Variants in PARP11 observed in about 807,000 individuals in gnomAD.
The protein encoded by PARP11 is protein mono-ADP-ribosyltransferase PARP11.
A neutral mutation model predicts 42.9 loss-of-function variants in PARP11; 31 were observed. The observed-to-expected ratio is 0.72, with a 90% CI of 0.54 to 0.98. The LOEUF (loss-of-function observed/expected upper bound fraction) is 0.98, where lower values mean the gene tolerates loss of function less well. PARP11 is among the 50% of genes least tolerant of loss of function. PARP11 has a pLI of 0.00. For missense variants in PARP11, 365 were observed against 413.1 expected (o/e 0.88, Z 1.01); for synonymous variants, 137 against 127.3 (o/e 1.08, Z -0.51).
chr12:3,862,843 C>G (rs1285856875), intron 1 of PARP11, among the ~76,000 whole-genome samples: 2 of 152,058 alleles, frequency 1.3e-5, no homozygotes, highest in African/African-American at 4.8e-5. Context: ...CACATTGAAT[C>G]ATTAAATCAG....
At chr12:3,837,468 A>C (rs727705) in intron 1 of PARP11, among the ~76,000 whole-genome samples, 21,329 of 152,264 alleles carry the variant, frequency 0.14, 1,811 homozygotes, top group Middle Eastern at 0.21. Context: ...TAAAAATAAA[A>C]ACTAATGAGT....
intron 1 of PARP11, among the ~76,000 whole-genome samples, chr12:3,853,946 C>T (rs1948145692): frequency 6.6e-6 from 1 of 152,198 alleles, no homozygotes; most frequent in South Asian, 2.1e-4. Context: ...TCTCAGACCA[C>T]AGTGTAATCA....
chr12:3,830,294 A>G (rs1947609923), intron 1 of PARP11, among the ~76,000 whole-genome samples: 1 of 152,180 alleles, frequency 6.6e-6, no homozygotes, highest in African/African-American at 2.4e-5. Flanking sequence ...AACATCAATA[A>G]GCACTTCAGG....
chr12:3,846,930 T>A (rs1024357973), intron 1 of PARP11, among the ~76,000 whole-genome samples: 1 of 151,446 alleles, frequency 6.6e-6, no homozygotes, highest in Non-Finnish European at 1.5e-5. Flanking sequence ...GCACAAAATT[T>A]AAAAATTAGC....
At chr12:3,817,713 A>G (rs1947320131) in intron 6 of PARP11, among the ~76,000 whole-genome samples, 1 of 152,228 alleles carries the variant, frequency 6.6e-6, no homozygotes, top group Admixed American at 6.5e-5. Context: ...TAGAGTGCCA[A>G]ACTGGCTAAA....
chr12:3,818,787 C>T (rs532022757), intron 6 of PARP11, among the ~76,000 whole-genome samples: 4 of 152,184 alleles, frequency 2.6e-5, no homozygotes, highest in Non-Finnish European at 5.9e-5. Flanking sequence ...ACAGATGGCA[C>T]CTACTTGTGT....
intron 1 of PARP11, among the ~76,000 whole-genome samples, chr12:3,837,866 T>C (rs775803427): frequency 9.2e-5 from 14 of 151,688 alleles, no homozygotes; most frequent in Non-Finnish European, 1.9e-4. Context: ...AGAAGGTCAA[T>C]AAATAATGAT....
chr12:3,869,469 T>C (rs1269526954), intron 1 of PARP11, among the ~76,000 whole-genome samples: 1 of 152,212 alleles, frequency 6.6e-6, no homozygotes, highest in Admixed American at 6.5e-5. Context: ...TCCTACCTCC[T>C]GGGCTTGTCT....
intron 1 of PARP11, 148 bp downstream of exon 1, chr12:3,873,064 A>G (rs2138149733): frequency 2.5e-6 from 2 of 799,706 alleles, no homozygotes; most frequent in Non-Finnish European, 4.3e-6. Context: ...GGTACAGACT[A>G]CAGAAGCCAA....
rs1947128620 is a variant in PARP11 at position 3,809,478 on chromosome 12, G to GT, written c.*2644dup. ...TACATATTTCATAGAAACCAACTAG[G>GT]TAAGTTCAGCGTTCGCAGAGATTGC... On this transcript the variant is annotated 3_prime_UTR_variant, in exon 8 of 8. Transcript: ENST00000228820. 1 of 151,816 alleles carries GT rather than the reference G, an allele frequency of 6.6e-6. No homozygotes were observed. Among genetic ancestry groups the GT allele is most frequent in the Non-Finnish European group, 1.5e-5 (1 of 67,984 alleles). The allele number at this position is 151,816 out of a possible 1,614,324, so 9.4% of individuals were successfully genotyped here.
chr12:3,873,117 A>C, intron 1 of PARP11, 95 bp downstream of exon 1: 7 of 1,197,918 alleles, frequency 5.8e-6, no homozygotes, highest in South Asian at 5.2e-5. Context: ...ACCCAGACTG[A>C]AGCGAGCGCG....
At chr12:3,831,528 C>T (rs1414249714) in intron 1 of PARP11, among the ~76,000 whole-genome samples, 1 of 152,092 alleles carries the variant, frequency 6.6e-6, no homozygotes, top group Non-Finnish European at 1.5e-5. Context: ...ACTCCTTCCT[C>T]ATTGGGATGT....
intron 1 of PARP11, among the ~76,000 whole-genome samples, chr12:3,835,229 AC>A (rs1349789307): frequency 3.3e-5 from 5 of 152,228 alleles, no homozygotes; most frequent in African/African-American, 1.2e-4. Context: ...TGTAAGCACA[AC>A]CTGTGACCAG....
intron 1 of PARP11, among the ~76,000 whole-genome samples, chr12:3,866,784 T>C (rs1211593168): frequency 6.6e-6 from 1 of 152,196 alleles, no homozygotes; most frequent in Non-Finnish European, 1.5e-5. Flanking sequence ...AGCTAGTCAA[T>C]TCAAATTTAA....
intron 1 of PARP11, 27 bp downstream of exon 1, chr12:3,873,185 C>T: frequency 1.6e-6 from 2 of 1,270,826 alleles, no homozygotes; most frequent in Non-Finnish European, 1.1e-6. Context: ...GCCCCCTGGG[C>T]CCGCCCCGTC....
chr12:3,831,927 T>C (rs937844889), intron 1 of PARP11, among the ~76,000 whole-genome samples: 1 of 152,192 alleles, frequency 6.6e-6, no homozygotes, highest in Admixed American at 6.5e-5. Flanking sequence ...AAGTGTGACC[T>C]AAATTTAGTT....
In PARP11 at chr12:3,861,250, C is replaced by A. The variant is rs73045090; in HGVS notation, c.18+11962G>T. Among the ~76,000 whole-genome samples, 1 of 152,130 alleles carries A rather than the reference C, an allele frequency of 6.6e-6. No homozygotes were observed. The highest frequency in any genetic ancestry group is 1.5e-5 in the Non-Finnish European group (1 of 67,986). On this transcript the variant is annotated intron_variant, in intron 1 of 7. Transcript: ENST00000228820. This position sits in a 1 kb window ranked among gnomAD's most constrained non-coding sequence, Gnocchi z 4.6. Reference sequence around the variant, plus strand: ...TATAGACTAAACGTTTGTGTCCTTGCCAAATTATTATGTTGAAATTCTAAC... The same window carrying A: ...TATAGACTAAACGTTTGTGTCCTTGACAAATTATTATGTTGAAATTCTAAC...
intron 3 of PARP11, among the ~76,000 whole-genome samples, chr12:3,827,878 G>C (rs1947559353): frequency 6.6e-6 from 1 of 152,124 alleles, no homozygotes; most frequent in Non-Finnish European, 1.5e-5. Context: ...AACAGCTAAA[G>C]GACCAAGCTG....
chr12:3,837,212 T>TA (rs1292030146), intron 1 of PARP11, among the ~76,000 whole-genome samples: 2 of 152,190 alleles, frequency 1.3e-5, no homozygotes, highest in African/African-American at 4.8e-5. Flanking sequence ...ACTGCCAGGA[T>TA]AACCTCTCTG....
Sources: allele counts gnomAD v4.1 joint callset (sites outside exome capture counted in the v4.1 genomes callset), GRCh38; gene constraint gnomAD v4.1.1; non-coding constraint Gnocchi (gnomAD v3.1); transcripts MANE v1.5; gene names NCBI Gene and HGNC (gene_info 2026-07-23, HGNC 2026-07-21).